The following PCAT7 variants were observed in gnomAD, a reference collection of about 807,000 sequenced individuals.
PCAT7 encodes prostate cancer associated transcript 7 (non-protein coding).
chr9:94,564,707 G>A lies in PCAT7; in HGVS notation n.441+5555G>A, dbSNP rs75762351. ...GGGAGGAGCAGAAAAGATAAGTATT[G>A]GATACCAGGTTTAGTACCTGGGAGA... On this transcript the variant is annotated intron_variant and non_coding_transcript_variant, in intron 2 of 8. Transcript: ENST00000647389. Among the ~76,000 whole-genome samples, 1,162 of 152,122 alleles carry A rather than the reference G, an allele frequency of 7.6e-3. 15 individuals carry two copies. The highest frequency in any genetic ancestry group is 0.027 in the African/African-American group (1,112 of 41,494).
At chr9:94,559,260 C>CA in intron 2 of PCAT7, 1 of 756,702 alleles carries the variant, frequency 1.3e-6, no homozygotes. Context: ...GCACCATGCA[C>CA]CTTGCAAGAG....
At chr9:94,559,291 T>G (rs925742290) in intron 2 of PCAT7, 1 of 642,644 alleles carries the variant, frequency 1.6e-6, no homozygotes, top group Non-Finnish European at 2.6e-6. Flanking sequence ...CTTTAGAGCC[T>G]ACAGCAGGCC....
chr9:94,570,494 G>A (rs1327304171), intron 2 of PCAT7: 1 of 151,996 alleles, frequency 6.6e-6, no homozygotes, highest in East Asian at 2.0e-4. Context: ...TCATAGGACA[G>A]GTACTTTACA....
At chr9:94,569,042 C>CT (rs1439772872) in intron 2 of PCAT7, 1 of 152,228 alleles carries the variant, frequency 6.6e-6, no homozygotes, top group Non-Finnish European at 1.5e-5. Context: ...GACTCATGAC[C>CT]TTTAACTTGC....
At chr9:94,563,228 A>G in intron 2 of PCAT7, 1 of 1,210,774 alleles carries the variant, frequency 8.3e-7, no homozygotes, top group Non-Finnish European at 1.1e-6. Context: ...TCCCCTGCCC[A>G]TCCCCACACA....
intron 2 of PCAT7, among the ~76,000 whole-genome samples, chr9:94,564,247 A>G (rs1266935030): frequency 1.3e-5 from 2 of 152,246 alleles, no homozygotes; most frequent in Admixed American, 6.5e-5. Flanking sequence ...AACAATCCTC[A>G]GCAAATGCAA....
intron 2 of PCAT7, chr9:94,563,347 C>T (rs757436119): frequency 6.2e-7 from 1 of 1,614,018 alleles, no homozygotes; most frequent in South Asian, 1.1e-5. Flanking sequence ...ATTACCTTGC[C>T]CTTAGGGCTC....
chr9:94,567,408 C>A, intron 2 of PCAT7: 5 of 1,613,900 alleles, frequency 3.1e-6, no homozygotes. Flanking sequence ...CACCAAGAGC[C>A]TAGCAACATG....
intron 2 of PCAT7, among the ~76,000 whole-genome samples, chr9:94,561,357 T>G (rs1827098669): frequency 4.7e-5 from 4 of 85,658 alleles, no homozygotes; most frequent in Non-Finnish European, 1.1e-4. Context: ...CCTGTATTTT[T>G]TTTTTTTTTT....
chr9:94,573,205 G>T (rs1827286407), intron 3 of PCAT7, among the ~76,000 whole-genome samples: 1 of 152,154 alleles, frequency 6.6e-6, no homozygotes, highest in Non-Finnish European at 1.5e-5. Context: ...AATGCTAGCT[G>T]TAGATGTACT....
At chr9:94,567,538 G>T (rs922018914) in intron 2 of PCAT7, 9 of 1,065,280 alleles carry the variant, frequency 8.4e-6, no homozygotes, top group Non-Finnish European at 1.2e-5. Context: ...TGGTCACTCT[G>T]AACCTGCTCT....
intron 2 of PCAT7, among the ~76,000 whole-genome samples, chr9:94,564,773 T>C (rs1448125293): frequency 6.6e-6 from 1 of 152,152 alleles, no homozygotes; most frequent in African/African-American, 2.4e-5. Flanking sequence ...AGGAGTTTAC[T>C]TATATAACAA....
chr9:94,573,953 G>T (rs980967717), intron 3 of PCAT7, among the ~76,000 whole-genome samples: 8 of 152,044 alleles, frequency 5.3e-5, no homozygotes, highest in African/African-American at 1.9e-4. Context: ...CTTTTCTTGG[G>T]CATGAGTTTC....
At chr9:94,558,994 G>T (rs373101416) in exon 2 of PCAT7, 17 of 1,613,990 alleles carry the variant, frequency 1.1e-5, no homozygotes, top group Non-Finnish European at 1.4e-5. Context: ...ACATCCTCTG[G>T]TGACCCCAGA....
chr9:94,569,554 T>A (rs1416286625), intron 2 of PCAT7: 1 of 152,238 alleles, frequency 6.6e-6, no homozygotes, highest in Non-Finnish European at 1.5e-5. Context: ...GCCGGGACAC[T>A]CAGGCCCTGG....
rs201232926 is a variant in PCAT7 at position 94,565,778 on chromosome 9, A to C, written n.441+6626A>C. On this transcript the variant is annotated intron_variant and non_coding_transcript_variant, in intron 2 of 8. Transcript: ENST00000647389. ...GAAAATAGATACATAGATGATAGAT[A>C]GATAGATAGATGATAGATAGGTGAG... Among the ~76,000 whole-genome samples, 2,104 of 66,268 alleles carry C rather than the reference A, an allele frequency of 0.032. 155 individuals carry two copies. The East Asian group carries it at 0.38, about 12-fold the overall frequency. 43.5% of individuals were successfully genotyped at this position (66,268 alleles called of 152,430 possible).
chr9:94,570,169 G>A (rs1827252003), intron 2 of PCAT7: 1 of 152,196 alleles, frequency 6.6e-6, no homozygotes, highest in African/African-American at 2.4e-5. Context: ...AGAAAACAGA[G>A]GCTCTGTCTG....
At chr9:94,558,013 A>G (rs1416664986) in intron 1 of PCAT7, among the ~76,000 whole-genome samples, 2 of 152,208 alleles carry the variant, frequency 1.3e-5, no homozygotes, top group African/African-American at 4.8e-5. Flanking sequence ...GAGGTTTAGA[A>G]AAGTAGTTAA....
chr9:94,567,721 A>C, intron 2 of PCAT7: 1 of 289,926 alleles, frequency 3.4e-6, no homozygotes, highest in African/African-American at 2.1e-5. Flanking sequence ...GGTGAACCCA[A>C]CTGTGTGTAT....
Sources: allele counts gnomAD v4.1 joint callset (sites outside exome capture counted in the v4.1 genomes callset), GRCh38; gene constraint gnomAD v4.1.1; transcripts MANE v1.5; gene names NCBI Gene and HGNC (gene_info 2026-07-23, HGNC 2026-07-21).